The following EPPK1 variants were observed in gnomAD, a reference collection of about 807,000 sequenced individuals.
EPPK1 encodes the protein epiplakin.
For synonymous variants in EPPK1, 1,862 were observed against 1,721.2 expected (o/e 1.08, Z -2.03); for missense variants, 3,823 against 3,673.3 (o/e 1.04, Z -1.05).
Position 143,869,601 on chromosome 8 carries a change from G to T in EPPK1, c.3653C>A (p.Thr1218Asn). 1.3e-6 allele frequency: 2 copies of T among 1,569,584 alleles called. No individual in the cohort carries two copies. The highest frequency in any genetic ancestry group is 2.3e-5 in the East Asian group (1 of 43,192). Reference sequence around the variant, plus strand: ...CGTGCCCTGAGCCAGGGCCTCAAGGGTCTCCTGGGTGATGATGCCAGCATC... The same window carrying T: ...CGTGCCCTGAGCCAGGGCCTCAAGGTTCTCCTGGGTGATGATGCCAGCATC... ...LLDAGIITQE[T>N]LEALAQGTQS... Residue 1218 changes from threonine (T) to asparagine (N), a missense_variant, in exon 2 of 2, where the codon ACC (threonine) becomes AAC (asparagine). Thr to Asn is a moderately conservative substitution (Grantham distance 65). Transcript: ENST00000615648.
rs1819415485 is a variant in EPPK1 at position 143,873,190 on chromosome 8, C to T, written c.64G>A (p.Val22Ile). ...PGTNSTEQAS[V>I]PRAMAATLGA... ...AGCGTGGCTGCCATGGCTCTGGGTA[C>T]ACTGGCCTGCTCTGTGCTGTTGGTG... Residue 22 changes from valine to isoleucine, a missense_variant, in exon 2 of 2, where the codon GTA becomes ATA. Coordinates refer to ENST00000615648, the MANE Select transcript of EPPK1 (RefSeq NM_031308.4). 2 of 1,596,700 alleles carry T rather than the reference C, an allele frequency of 1.3e-6. No homozygotes were observed. Among genetic ancestry groups the T allele is most frequent in the African/African-American group, 1.3e-5 (1 of 74,456 alleles).
At chr8:143,876,797 C>A (rs1232379169) in intron 1 of EPPK1, among the ~76,000 whole-genome samples, 4 of 152,144 alleles carry the variant, frequency 2.6e-5, no homozygotes, top group African/African-American at 9.7e-5. Flanking sequence ...GACATCCGGC[C>A]AGGGATGGCG....
At position 143,872,833 on chromosome 8, in the gene EPPK1, C is replaced by T. The variant is rs782129650; in HGVS notation, c.421G>A (p.Val141Ile). ...LALFQAIGKEVVDRALGQSWL... is the reference protein window; with the variant it reads ...LALFQAIGKEIVDRALGQSWL... ...CTCTGCCCCAGGGCCCTGTCCACAA[C>T]CTCCTTCCCGATGGCCTGAAAGAGG... Residue 141 changes from valine (V) to isoleucine (I), a missense_variant, in exon 2 of 2, where the codon GTT (valine) becomes ATT (isoleucine). Coordinates refer to ENST00000615648, the MANE Select transcript of EPPK1 (RefSeq NM_031308.4). 10 of 1,561,962 alleles carry T rather than the reference C, an allele frequency of 6.4e-6. No homozygotes were observed. Among genetic ancestry groups the T allele is most frequent in the African/African-American group, 4.1e-5 (3 of 73,440 alleles).
Position 143,869,413 on chromosome 8 carries a change from C to A in EPPK1, c.3841G>T (p.Glu1281Ter). Residue 1281 changes from glutamate to a stop codon, truncating the protein, a stop_gained, in exon 2 of 2, where the codon GAA (glutamate) becomes TAA (stop). Transcript: ENST00000615648. LOFTEE classifies it low-confidence loss of function (END_TRUNC). ...LPTGLGQRLLEAQVASGFLVD... is the reference protein window; with the variant it reads ...LPTGLGQRLL ...AGGAAGCCAGATGCCACCTGGGCTT[C>A]CAGCAGCCTCTGGCCCAGGCCTGTG... The A allele has an allele frequency of 6.2e-7, 1 of 1,604,378 alleles. No homozygotes were observed.
At chr8:143,876,443 G>A (rs190926096) in intron 1 of EPPK1, among the ~76,000 whole-genome samples, 25 of 152,318 alleles carry the variant, frequency 1.6e-4, no homozygotes, top group African/African-American at 5.1e-4. Context: ...CAGCCTGACC[G>A]GGGTGGCTAC....
In EPPK1 at chr8:143,867,148, G is replaced by C; in HGVS notation, c.6106C>G (p.Leu2036Val). Residue 2036 changes from leucine to valine, a missense_variant, in exon 2 of 2, where the codon CTG becomes GTG. Coordinates refer to ENST00000615648, the MANE Select transcript of EPPK1 (RefSeq NM_031308.4). The stretch of plus-strand genomic sequence containing the variant: ...ATGAGCGCATAGATGTCCTTGTGCA[G>C]ACAGCCCCGTCTGTAGGCTGTTTCC... ...PLETAYRRGC[L>V]HKDIYALISD... 1 of 1,612,818 alleles carries C rather than the reference G, an allele frequency of 6.2e-7. No homozygotes were observed. The highest frequency in any genetic ancestry group is 8.5e-7 in the Non-Finnish European group (1 of 1,179,728).
rs1050781816 is a variant in EPPK1, at chr8:143,867,878, C to T, written c.5376G>A (p.Gln1792=). The change falls in exon 2 of 2, where the codon CAG becomes CAA. Residue 1792 remains glutamine, a synonymous_variant. Coordinates refer to ENST00000615648, the MANE Select transcript of EPPK1 (RefSeq NM_031308.4). ...AKMRVGRFAD[Q]VVSFWDLLSS... ...ACAGCAGGTCCCAGAAAGAGACCAC[C>T]TGGTCAGCAAACCTCCCCACGCGCA... The T allele has an allele frequency of 2.5e-6, 4 of 1,613,272 alleles. No individual in the cohort carries two copies. The highest frequency in any genetic ancestry group is 1.7e-5 in the Admixed American group (1 of 60,008).
chr8:143,876,986 C>T (rs930350372), intron 1 of EPPK1, among the ~76,000 whole-genome samples: 5 of 152,252 alleles, frequency 3.3e-5, no homozygotes, highest in South Asian at 2.1e-4. Flanking sequence ...AAGCGGGCCT[C>T]GTAAGCTCAG....
Position 143,866,790 on chromosome 8 carries a change from G to A in EPPK1, c.6464C>T (p.Ala2155Val), listed in dbSNP as rs781845881. Residue 2155 changes from alanine (A) to valine (V), a missense_variant, in exon 2 of 2, where the codon GCG becomes GTG. Transcript: ENST00000615648. ...THTRRALQTVAQLILELIEKQ... is the reference protein window; with the variant it reads ...THTRRALQTVVQLILELIEKQ... ...CTCGATCAACTCTAAGATGAGCTGCGCTACCGTCTGCAGTGCCCGTCTGGT... is the reference window on the plus strand; with the variant it reads ...CTCGATCAACTCTAAGATGAGCTGCACTACCGTCTGCAGTGCCCGTCTGGT... 41 of 1,613,282 alleles carry A rather than the reference G, an allele frequency of 2.5e-5. 1 individual carries two copies. Among genetic ancestry groups the A allele is most frequent in the South Asian group, 2.3e-4 (21 of 91,084 alleles).
intron 1 of EPPK1, among the ~76,000 whole-genome samples, chr8:143,877,331 G>A (rs1476298600): frequency 5.9e-5 from 9 of 152,172 alleles, no homozygotes; most frequent in Non-Finnish European, 2.9e-5. Context: ...CGGAGCGAGG[G>A]GGGGCAGGGG....
chr8:143,868,133 G>A lies in EPPK1; in HGVS notation c.5121C>T (p.Cys1707=), dbSNP rs200410147. The change falls in exon 2 of 2, where the codon TGC becomes TGT. Residue 1707 remains cysteine (C), a synonymous_variant. Coordinates refer to ENST00000615648, the MANE Select transcript of EPPK1 (RefSeq NM_031308.4). ...GGTTCATCTCCTCGTCGAAGTAGCC[G>A]CAGCGGTAGGCCACGTCCACGGGCA... ...HRVPVDVAYR[C]GYFDEEMNRI... is the part of the protein sequence containing the mutation. 686 of 1,613,256 alleles carry A rather than the reference G, an allele frequency of 4.3e-4. 4 individuals carry two copies. In the East Asian group the frequency reaches 5.9e-3, roughly 14 times the overall value.
intron 1 of EPPK1, among the ~76,000 whole-genome samples, chr8:143,876,901 A>G (rs1224948091): frequency 6.6e-6 from 1 of 151,904 alleles, no homozygotes; most frequent in Non-Finnish European, 1.5e-5. Context: ...GGGCAGGGCC[A>G]GTGAGGGTGG....
rs1554660071 is a variant in EPPK1, at chr8:143,868,757, C to T, written c.4497G>A (p.Arg1499=). Reference sequence around the variant, plus strand: ...GGGTGGTGACTGCGCTGACCACCTGCCGCAGGGCCGCAGCCCTCCCAGACC... The same window carrying T: ...GGGTGGTGACTGCGCTGACCACCTGTCGCAGGGCCGCAGCCCTCCCAGACC... ...LCRSGRAAAL[R]QVVSAVTTLV... Residue 1499 remains arginine (R), a synonymous_variant, in exon 2 of 2, where the codon CGG becomes CGA. Transcript: ENST00000615648. 1 of 1,588,218 alleles carries T rather than the reference C, an allele frequency of 6.3e-7. No homozygotes were observed. The highest frequency in any genetic ancestry group is 8.5e-7 in the Non-Finnish European group (1 of 1,172,512).
intron 1 of EPPK1, among the ~76,000 whole-genome samples, chr8:143,875,813 G>A (rs898522242): frequency 6.6e-6 from 1 of 152,248 alleles, no homozygotes; most frequent in African/African-American, 2.4e-5. Context: ...GCTCCCCAGT[G>A]ACGCCTTGCA....
At position 143,868,894 on chromosome 8, in the gene EPPK1, T is replaced by C. The variant is rs782124270; in HGVS notation, c.4360A>G (p.Lys1454Glu). 2 of 1,610,894 alleles carry C rather than the reference T, an allele frequency of 1.2e-6. No individual in the cohort carries two copies. The highest frequency in any genetic ancestry group is 3.3e-5 in the Admixed American group (2 of 60,004). ...AACCTCCCTGTGCTGACGGGCACCT[T>C]CATGGCCCTCAGAGCCACCGCGGTG... ...DHTAVALRAM[K>E]VPVSTGRFKG... The change falls in exon 2 of 2, where the codon AAG becomes GAG. Residue 1454 changes from lysine (K) to glutamate (E), a missense_variant. Physicochemically the swap from Lys to Glu is moderately conservative, Grantham distance 56 (BLOSUM62 1). Coordinates refer to ENST00000615648, the MANE Select transcript of EPPK1 (RefSeq NM_031308.4).
intron 1 of EPPK1, 100 bp from the exon 2 acceptor site, chr8:143,873,398 C>T (rs1819420944): frequency 3.5e-6 from 3 of 849,698 alleles, no homozygotes; most frequent in Non-Finnish European, 5.0e-6. Context: ...CCGGGCTGGG[C>T]TCCACCCACA....
rs202161343 is a variant in EPPK1 at position 143,866,789 on chromosome 8, C to T, written c.6465G>A (p.Ala2155=). The change falls in exon 2 of 2, where the codon GCG becomes GCA. Residue 2155 remains alanine, a synonymous_variant. Coordinates refer to ENST00000615648, the MANE Select transcript of EPPK1 (RefSeq NM_031308.4). The part of the protein sequence containing the change: ...THTRRALQTV[A]QLILELIEKQ... ...TCTCGATCAACTCTAAGATGAGCTG[C>T]GCTACCGTCTGCAGTGCCCGTCTGG... 427 of 1,613,476 alleles carry T rather than the reference C, an allele frequency of 2.6e-4. 3 individuals carry two copies. The East Asian group carries it at 4.7e-3, about 18-fold the overall frequency.
At position 143,869,215 on chromosome 8, in the gene EPPK1, C is replaced by A; in HGVS notation, c.4039G>T (p.Val1347Leu). ...AGGGGCAAGCCCTCGTTCTGTGGCA[C>A]GAGCCCCTTCTCCATGGCCTGCCAC... ...SLWQAMEKGL[V>L]PQNEGLPLLQ... Residue 1347 changes from valine (V) to leucine (L), a missense_variant, in exon 2 of 2, where the codon GTG becomes TTG. Coordinates refer to ENST00000615648, the MANE Select transcript of EPPK1 (RefSeq NM_031308.4). The A allele has an allele frequency of 6.2e-7, 1 of 1,610,460 alleles. No individual in the cohort carries two copies. The highest frequency in any genetic ancestry group is 1.1e-5 in the South Asian group (1 of 91,060).
At position 143,872,650 on chromosome 8, in the gene EPPK1, C is replaced by CA; in HGVS notation, c.603_604insT (p.Asp202Ter). On this transcript the variant is annotated frameshift_variant, in exon 2 of 2. Coordinates refer to ENST00000615648, the MANE Select transcript of EPPK1 (RefSeq NM_031308.4). LOFTEE classifies it low-confidence loss of function (END_TRUNC). The stretch of plus-strand genomic sequence containing the variant: ...GTCAGCCGCTCCAGCGTGTTGGGGT[C>CA]GAGGAAGCGCAGGTCACCTGTGCCA... The CA allele has an allele frequency of 6.2e-7, 1 of 1,608,188 alleles. No individual in the cohort carries two copies. Among genetic ancestry groups the CA allele is most frequent in the Non-Finnish European group, 8.5e-7 (1 of 1,178,836 alleles).
Sources: allele counts gnomAD v4.1 joint callset (sites outside exome capture counted in the v4.1 genomes callset), GRCh38; gene constraint gnomAD v4.1.1; transcripts MANE v1.5; gene names NCBI Gene and HGNC (gene_info 2026-07-23, HGNC 2026-07-21).